The following SLC24A2 variants were observed in gnomAD, a reference collection of about 807,000 sequenced individuals.
SLC24A2 encodes sodium/potassium/calcium exchanger 2.
In SLC24A2, 36 loss-of-function variants were observed where a neutral mutation model predicts 62.0. That is an observed-to-expected ratio of 0.58 (90% CI 0.44 to 0.77). The LOEUF is 0.77. Ranked by LOEUF, SLC24A2 falls within the 30% of genes least tolerant of loss-of-function variation. The pLI, the probability that SLC24A2 is intolerant of heterozygous loss-of-function variation, is 0.00. For synonymous variants in SLC24A2, 358 were observed against 294.0 expected (o/e 1.22, Z -2.23); for missense variants, 846 against 817.9 (o/e 1.03, Z -0.42).
the SLC24A2 span, among the ~76,000 whole-genome samples, chr9:20,191,055 G>T: frequency 6.6e-6 from 1 of 152,048 alleles, no homozygotes; most frequent in African/African-American, 2.4e-5. Flanking sequence ...AATTGACTTT[G>T]AAAGATTATT....
chr9:19,935,971 A>G, the SLC24A2 span, among the ~76,000 whole-genome samples: 1 of 152,370 alleles, frequency 6.6e-6, no homozygotes, highest in South Asian at 2.1e-4. Context: ...ATATTTAGGA[A>G]GGACAAATTT....
At chr9:20,136,695 T>A in the SLC24A2 span, among the ~76,000 whole-genome samples, 1 of 152,256 alleles carries the variant, frequency 6.6e-6, no homozygotes. Context: ...TAATGATAAC[T>A]GATCACAGCT....
chr9:20,142,879 A>AACC, the SLC24A2 span, among the ~76,000 whole-genome samples: 1 of 152,202 alleles, frequency 6.6e-6, no homozygotes, highest in African/African-American at 2.4e-5. Context: ...TACAGGCATG[A>AACC]ACCACCGTGC....
the SLC24A2 span, among the ~76,000 whole-genome samples, chr9:20,117,330 G>A: frequency 2.0e-5 from 3 of 152,154 alleles, no homozygotes; most frequent in Non-Finnish European, 2.9e-5. Flanking sequence ...GAAGGAGACT[G>A]TATCTCTGAT....
intron 7 of SLC24A2, among the ~76,000 whole-genome samples, chr9:19,560,024 G>A (rs1274920068): frequency 6.6e-6 from 1 of 152,000 alleles, no homozygotes; most frequent in Non-Finnish European, 1.5e-5. Flanking sequence ...TTGGGACCCT[G>A]AAACTGTAGT....
At chr9:20,210,415 A>G in the SLC24A2 span, among the ~76,000 whole-genome samples, 1 of 152,210 alleles carries the variant, frequency 6.6e-6, no homozygotes, top group Non-Finnish European at 1.5e-5. Context: ...CATTTGGCTA[A>G]ATAGCATTTA....
the SLC24A2 span, among the ~76,000 whole-genome samples, chr9:19,975,291 T>A: frequency 6.6e-6 from 1 of 152,226 alleles, no homozygotes; most frequent in Non-Finnish European, 1.5e-5. Flanking sequence ...TATATTCTGA[T>A]GTCCCCTCTT....
chr9:19,799,402 G>A, the SLC24A2 span, among the ~76,000 whole-genome samples: 3 of 151,998 alleles, frequency 2.0e-5, no homozygotes, highest in Non-Finnish European at 4.4e-5. Flanking sequence ...CGCCTGCCAC[G>A]TTCTGTGTTT....
chr9:20,154,986 T>C, the SLC24A2 span, among the ~76,000 whole-genome samples: 1 of 151,658 alleles, frequency 6.6e-6, no homozygotes, highest in African/African-American at 2.4e-5. Context: ...AGATTTCCTG[T>C]AAGTTCCTTC....
intron 2 of SLC24A2, among the ~76,000 whole-genome samples, chr9:19,710,221 T>C (rs1263815106): frequency 6.6e-6 from 1 of 152,212 alleles, no homozygotes; most frequent in Non-Finnish European, 1.5e-5. Flanking sequence ...CTGTGTACCA[T>C]GTGACCATCA....
chr9:19,927,635 C>G, the SLC24A2 span: 2 of 152,218 alleles, frequency 1.3e-5, no homozygotes, highest in East Asian at 1.9e-4. Flanking sequence ...TCCCCCACCC[C>G]CCACGTACTT....
At chr9:20,039,353 C>T in the SLC24A2 span, among the ~76,000 whole-genome samples, 1 of 151,974 alleles carries the variant, frequency 6.6e-6, no homozygotes, top group Non-Finnish European at 1.5e-5. Context: ...ATTGGGGATG[C>T]CAACTGGGAT....
the SLC24A2 span, among the ~76,000 whole-genome samples, chr9:19,873,313 T>G: frequency 6.6e-6 from 1 of 151,738 alleles, no homozygotes; most frequent in East Asian, 1.9e-4. Flanking sequence ...TTTCTTTCCT[T>G]CCGTCCTTCT....
chr9:20,102,547 A>G, the SLC24A2 span, among the ~76,000 whole-genome samples: 1 of 152,012 alleles, frequency 6.6e-6, no homozygotes, highest in Non-Finnish European at 1.5e-5. Flanking sequence ...AATGTAGATG[A>G]CGGGTTGATG....
At chr9:20,060,361 T>G in the SLC24A2 span, among the ~76,000 whole-genome samples, 2 of 152,082 alleles carry the variant, frequency 1.3e-5, no homozygotes, top group Non-Finnish European at 2.9e-5. Context: ...AGGAAAACTA[T>G]AGTTCAATAT....
chr9:19,871,087 GT>G, the SLC24A2 span, among the ~76,000 whole-genome samples: 377 of 152,068 alleles, frequency 2.5e-3, 4 homozygotes, highest in East Asian at 0.013. Context: ...AGACACCTGT[GT>G]TTTTTCCAAA....
the SLC24A2 span, among the ~76,000 whole-genome samples, chr9:20,106,542 A>C: frequency 8.1e-4 from 124 of 152,216 alleles, no homozygotes; most frequent in Non-Finnish European, 1.0e-3. Flanking sequence ...GGCTGGTTCA[A>C]TACATGCAAA....
the SLC24A2 span, among the ~76,000 whole-genome samples, chr9:20,019,155 A>AAGAGAGAAAGAGAGAGAG: frequency 1.7e-5 from 2 of 117,088 alleles, no homozygotes; most frequent in African/African-American, 6.3e-5. Context: ...GAAAGAAAGA[A>AAGAGAGAAAGAGAGAGAG]AGAGAGAGAG....
In SLC24A2 at chr9:19,520,899, A is replaced by C. The variant is rs776666388; in HGVS notation, c.1731T>G (p.Thr577=). 6.2e-7 allele frequency: 1 copy of C among 1,613,800 alleles called. No individual in the cohort carries two copies. The highest frequency in any genetic ancestry group is 1.3e-5 in the African/African-American group (1 of 74,898). The change falls in exon 10 of 11, where the codon ACT becomes ACG. Residue 577 remains threonine (T), a synonymous_variant. Transcript: ENST00000341998. ...SSVGSNIFDI[T]VGLPLPWLLY... is the part of the protein sequence containing the mutation. ...GTAGAACTACCTCTACTCACCCTAC[A>C]GTGATGTCAAAAATGTTGCTTCCAA... is the stretch of plus-strand genomic sequence containing the variant.
Sources: allele counts gnomAD v4.1 joint callset (sites outside exome capture counted in the v4.1 genomes callset), GRCh38; gene constraint gnomAD v4.1.1; transcripts MANE v1.5; gene names NCBI Gene and HGNC (gene_info 2026-07-23, HGNC 2026-07-21).